Variants in TNFRSF21 observed in about 807,000 individuals in gnomAD.
TNFRSF21 encodes tumor necrosis factor receptor superfamily member 21.
In TNFRSF21, 19 loss-of-function variants were observed where a neutral mutation model predicts 45.6. The observed-to-expected ratio is 0.42, with a 90% confidence interval of 0.29 to 0.61. The LOEUF is 0.61. Among genes scored for constraint, TNFRSF21 ranks in the 20% least tolerant of loss-of-function variants. The pLI, the probability that TNFRSF21 is intolerant of heterozygous loss-of-function variation, is 0.23. For missense variants in TNFRSF21, 737 were observed against 851.5 expected, an observed-to-expected ratio of 0.87 and a Z score of 1.67; for synonymous variants, 314 against 335.5, an observed-to-expected ratio of 0.94 and a Z score of 0.70.
In TNFRSF21 at chr6:47,309,667, G is replaced by T; in HGVS notation, c.-156C>A. ...GCACTGCTGCGGCCGGGCAGAGGAG[G>T]GAGGCGGCAAGGGAGGCTCTAGGGG... is the stretch of plus-strand genomic sequence containing the variant. On this transcript the variant is annotated 5_prime_UTR_variant, in exon 1 of 6. Transcript: ENST00000296861. 1 of 1,169,288 alleles carries T rather than the reference G, an allele frequency of 8.6e-7. No homozygotes were observed. The highest frequency in any genetic ancestry group is 1.1e-6 in the Non-Finnish European group (1 of 901,000). The allele number at this position is 1,169,288 out of a possible 1,614,324, so 72.4% of individuals were successfully genotyped here.
Position 47,234,658 on chromosome 6 carries a change from C to T in TNFRSF21, c.1738+12G>A. 1.3e-6 allele frequency: 2 copies of T among 1,595,720 alleles called. No individual in the cohort carries two copies. Among genetic ancestry groups the T allele is most frequent in the East Asian group, 2.3e-5 (1 of 44,150 alleles). The stretch of plus-strand genomic sequence containing the variant: ...TTAAGTGCGTGTGTGAGGTCTGCTG[C>T]GATGCCCGTACCTTTGGTAATAAAG... On this transcript the variant is annotated intron_variant, in intron 5 of 5. Coordinates refer to ENST00000296861, the MANE Select transcript of TNFRSF21 (RefSeq NM_014452.5).
chr6:47,260,748 T>C (rs1346853406), intron 3 of TNFRSF21, among the ~76,000 whole-genome samples: 2 of 152,196 alleles, frequency 1.3e-5, no homozygotes, highest in Admixed American at 6.5e-5. Flanking sequence ...CTATACAACA[T>C]AGCACTCAGT....
At position 47,234,778 on chromosome 6, in the gene TNFRSF21, C is replaced by G; in HGVS notation, c.1630G>C (p.Asp544His). 6.2e-7 allele frequency: 1 copy of G among 1,602,092 alleles called. No individual in the cohort carries two copies. Among genetic ancestry groups the G allele is most frequent in the South Asian group, 1.1e-5 (1 of 88,640 alleles). The part of the protein sequence containing the change: ...ALLTVEPSPQ[D>H]KNKGFFVDES... ...TCCACGAAGAAGCCCTTGTTCTTGTCCTGTGGGGAAGGCTCCACCGTCAGG... is the reference window on the plus strand; with the variant it reads ...TCCACGAAGAAGCCCTTGTTCTTGTGCTGTGGGGAAGGCTCCACCGTCAGG... Residue 544 changes from aspartate to histidine, a missense_variant, in exon 5 of 6, where the codon GAC (aspartate) becomes CAC (histidine). By Grantham distance (81) the Asp-to-His change is moderately conservative. Transcript: ENST00000296861.
chr6:47,293,511 C>T (rs1762755473), intron 1 of TNFRSF21, among the ~76,000 whole-genome samples: 1 of 152,196 alleles, frequency 6.6e-6, no homozygotes, highest in Admixed American at 6.5e-5. Flanking sequence ...ACTATATATA[C>T]TACATGCTGG....
intron 4 of TNFRSF21, among the ~76,000 whole-genome samples, chr6:47,250,084 A>C (rs1684239616): frequency 6.6e-6 from 1 of 152,208 alleles, no homozygotes. Context: ...AACACACTGA[A>C]ATTCTCTAAT....
rs142627535 is a variant in TNFRSF21, at chr6:47,305,600, G to A, written c.96+3816C>T. ...CCAAAGTGAATTGCCAATGTACGAG[G>A]TAATGTACTTTGATAAATGATGGTC... is the stretch of plus-strand genomic sequence containing the variant. On this transcript the variant is annotated intron_variant, in intron 1 of 5. Transcript: ENST00000296861. 8.6e-3 allele frequency among the ~76,000 whole-genome samples: 1,314 copies of A among 152,226 alleles called. 7 individuals carry two copies. Among genetic ancestry groups the A allele is most frequent in the Non-Finnish European group, 0.015 (989 of 68,018 alleles).
chr6:47,262,690 A>G (rs562181751), intron 3 of TNFRSF21, among the ~76,000 whole-genome samples: 4 of 152,280 alleles, frequency 2.6e-5, no homozygotes, highest in African/African-American at 9.6e-5. Flanking sequence ...CTGTGGAAAG[A>G]GGGTTCTGGG....
At chr6:47,243,430 T>C (rs1420528610) in intron 4 of TNFRSF21, among the ~76,000 whole-genome samples, 7 of 152,112 alleles carry the variant, frequency 4.6e-5, no homozygotes, top group Admixed American at 3.3e-4. Flanking sequence ...CATACTGTTG[T>C]TTTTTTGGTT....
chr6:47,249,988 T>G (rs539798653), intron 4 of TNFRSF21, among the ~76,000 whole-genome samples: 1 of 152,178 alleles, frequency 6.6e-6, no homozygotes, highest in East Asian at 1.9e-4. Context: ...AAAACAAAGA[T>G]GTGGTAGATT....
rs540243500 is a variant in TNFRSF21, at chr6:47,234,337, C to G, written c.1738+333G>C. ...ACTTTAAATCTTTGGATACAGCAAGCTTGGTAAATAATTTTCAAAAATCTT... is the reference window on the plus strand; with the variant it reads ...ACTTTAAATCTTTGGATACAGCAAGGTTGGTAAATAATTTTCAAAAATCTT... On this transcript the variant is annotated intron_variant, in intron 5 of 5. Transcript: ENST00000296861. Among the ~76,000 whole-genome samples, 63 of 152,322 alleles carry G rather than the reference C, an allele frequency of 4.1e-4. No homozygotes were observed. In the South Asian group the frequency reaches 0.013, roughly 31 times the overall value.
chr6:47,246,312 AAC>A (rs1224997739), intron 4 of TNFRSF21, among the ~76,000 whole-genome samples: 5 of 152,374 alleles, frequency 3.3e-5, no homozygotes, highest in African/African-American at 1.2e-4. Flanking sequence ...TTCAAATTCC[AAC>A]ACAGAAAATA....
intron 4 of TNFRSF21, among the ~76,000 whole-genome samples, chr6:47,244,578 T>C (rs902901114): frequency 1.4e-4 from 22 of 152,194 alleles, no homozygotes; most frequent in Admixed American, 6.5e-5. Context: ...TTCTCTACTG[T>C]TGTGATTATA....
chr6:47,304,652 A>T (rs981808009), intron 1 of TNFRSF21, among the ~76,000 whole-genome samples: 7 of 152,336 alleles, frequency 4.6e-5, no homozygotes, highest in Middle Eastern at 3.4e-3. Context: ...ATTTAGCCAC[A>T]CTAAAATATG....
At chr6:47,253,611 G>A (rs1424671744) in intron 3 of TNFRSF21, 90 bp from the exon 4 acceptor site, 5 of 1,456,526 alleles carry the variant, frequency 3.4e-6, no homozygotes, top group Non-Finnish European at 4.6e-6. Context: ...TGAACTAGAA[G>A]AGGCACGCTT....
intron 4 of TNFRSF21, among the ~76,000 whole-genome samples, chr6:47,239,875 T>A (rs992412539): frequency 1.3e-5 from 2 of 152,032 alleles, no homozygotes; most frequent in African/African-American, 4.8e-5. Context: ...CCCACTCCAA[T>A]TCTCTTTCCC....
chr6:47,236,449 G>T (rs1340438909), intron 4 of TNFRSF21, among the ~76,000 whole-genome samples: 1 of 152,196 alleles, frequency 6.6e-6, no homozygotes, highest in Non-Finnish European at 1.5e-5. Context: ...AGTATTACGT[G>T]GGATAGTTAT....
intron 5 of TNFRSF21, 107 bp from the exon 6 acceptor site, chr6:47,233,101 A>AAC: frequency 1.1e-6 from 1 of 939,554 alleles, no homozygotes; most frequent in African/African-American, 1.6e-5. Context: ...TGTCCCCCCC[A>AAC]GCCTATTATT....
chr6:47,236,550 A>C (rs191799987), intron 4 of TNFRSF21, among the ~76,000 whole-genome samples: 17 of 152,332 alleles, frequency 1.1e-4, no homozygotes, highest in Admixed American at 1.1e-3. Flanking sequence ...AAGATAACTG[A>C]TTACTGCACA....
At chr6:47,293,516 T>G (rs536695894) in intron 1 of TNFRSF21, among the ~76,000 whole-genome samples, 1 of 152,194 alleles carries the variant, frequency 6.6e-6, no homozygotes, top group Non-Finnish European at 1.5e-5. Context: ...ATATACTACA[T>G]GCTGGATAAT....
Sources: gnomAD v4.1 joint callset for allele counts (sites outside exome capture counted in the v4.1 genomes callset) on GRCh38, gnomAD v4.1.1 for gene constraint, MANE v1.5 for transcripts, NCBI Gene and HGNC (gene_info 2026-07-23, HGNC 2026-07-21) for gene names.